The following OSTM1 variants were observed in gnomAD, a reference collection of about 807,000 sequenced individuals.
OSTM1 encodes the protein osteopetrosis-associated transmembrane protein 1.
A neutral mutation model predicts 35.4 loss-of-function variants in OSTM1; 26 were observed. That is an observed-to-expected ratio of 0.73 (90% CI 0.54 to 1.02). OSTM1 has a LOEUF of 1.02. Ranked by LOEUF, OSTM1 falls within the 50% of genes least tolerant of loss-of-function variation. The probability of loss-of-function intolerance (pLI) is 0.00; values close to 1 mark genes in which losing one functional copy is unlikely to be tolerated. For missense variants in OSTM1, 366 were observed against 409.6 expected (o/e 0.89, Z 0.92); for synonymous variants, 181 against 165.0 (o/e 1.10, Z -0.75).
chr6:108,059,676 T>G (rs958966140), intron 2 of OSTM1, among the ~76,000 whole-genome samples: 2 of 152,234 alleles, frequency 1.3e-5, no homozygotes, highest in African/African-American at 2.4e-5. Flanking sequence ...ACAAAAATTC[T>G]AATAGCCCCT....
intron 1 of OSTM1, among the ~76,000 whole-genome samples, chr6:108,068,065 G>A (rs1772411696): frequency 6.6e-6 from 1 of 152,086 alleles, no homozygotes; most frequent in African/African-American, 2.4e-5. Flanking sequence ...CACCAATACT[G>A]CCAGTGTTGA....
chr6:108,064,163 T>G (rs756005876), intron 2 of OSTM1, 22 bp downstream of exon 2: 1 of 1,195,138 alleles, frequency 8.4e-7, no homozygotes, highest in South Asian at 1.2e-5. Flanking sequence ...AACTGCAACA[T>G]GAAAATGAAA....
At chr6:108,053,079 C>T (rs935014889) in intron 3 of OSTM1, among the ~76,000 whole-genome samples, 2 of 152,208 alleles carry the variant, frequency 1.3e-5, no homozygotes, top group Admixed American at 1.3e-4. Context: ...AATTACCATA[C>T]TTCTTTCTTA....
chr6:108,066,589 T>C (rs577942219), intron 1 of OSTM1, among the ~76,000 whole-genome samples: 12 of 152,282 alleles, frequency 7.9e-5, no homozygotes, highest in African/African-American at 2.4e-4. Context: ...ACTGGCAGTA[T>C]TGGTGACACT....
rs1771876154 is a variant in OSTM1 at position 108,042,059 on chromosome 6, G to A, written c.*2726C>T. The A allele has an allele frequency of 6.6e-6, 1 of 151,908 alleles. No individual in the cohort carries two copies. The highest frequency in any genetic ancestry group is 6.6e-5 in the Admixed American group (1 of 15,230). 9.4% of individuals were successfully genotyped at this position (151,908 alleles called of 1,614,324 possible). Reference sequence around the variant, plus strand: ...AGGAAAACATTTCATTTTATAGGGAGCATATCCCAGAAACATTAGAAAATA... The same window carrying A: ...AGGAAAACATTTCATTTTATAGGGAACATATCCCAGAAACATTAGAAAATA... On this transcript the variant is annotated 3_prime_UTR_variant, in exon 6 of 6. Transcript: ENST00000193322.
chr6:108,069,596 G>A (rs79879143), intron 1 of OSTM1, among the ~76,000 whole-genome samples: 2,064 of 152,188 alleles, frequency 0.014, 45 homozygotes, highest in African/African-American at 0.047. Flanking sequence ...AGAATCTGAG[G>A]GGGCAAAAGC....
chr6:108,074,452 C>A lies in OSTM1; in HGVS notation c.200G>T (p.Gly67Val), dbSNP rs780873251. The change falls in exon 1 of 6, where the codon GGG becomes GTG. Residue 67 changes from glycine (G) to valine (V), a missense_variant. Around this residue, in one of 3 missense-constraint regions of OSTM1, gnomAD observed 236 missense variants for 239.3 expected, o/e 0.99. Coordinates refer to ENST00000193322, the MANE Select transcript of OSTM1 (RefSeq NM_014028.4). ...DLSLSLLQGGGLGPLSLPPDL... is the reference protein window; with the variant it reads ...DLSLSLLQGGVLGPLSLPPDL... ...CGGGGGCAGCGACAGAGGCCCCAGC[C>A]CTCCACCCTGCAGGAGGGACAGGGA... 6.4e-7 allele frequency: 1 copy of A among 1,557,694 alleles called. No homozygotes were observed. The highest frequency in any genetic ancestry group is 1.2e-5 in the South Asian group (1 of 84,946).
At chr6:108,049,713 G>A (rs1772043627) in intron 4 of OSTM1, 1 of 342,104 alleles carries the variant, frequency 2.9e-6, no homozygotes, top group East Asian at 6.5e-5. Context: ...CTTATATGAA[G>A]AGGAATATAG....
At chr6:108,060,150 T>C (rs77705803) in intron 2 of OSTM1, among the ~76,000 whole-genome samples, 1,746 of 152,296 alleles carry the variant, frequency 0.011, 27 homozygotes, top group African/African-American at 0.04. Flanking sequence ...CTCGCTTCTT[T>C]TACCTGAGAC....
rs1772177610 is a variant in OSTM1 at position 108,056,779 on chromosome 6, C to T, written c.518-2192G>A. Among the ~76,000 whole-genome samples the T allele has an allele frequency of 3.3e-5, 5 of 152,312 alleles. No individual in the cohort carries two copies. The South Asian group carries it at 1.0e-3, about 32-fold the overall frequency. On this transcript the variant is annotated intron_variant, in intron 2 of 5. Transcript: ENST00000193322. ...TCAGGAGTTGTCCCCTCTCTGAACT[C>T]ACATACTCTACATTCTCTGAAGCTT...
intron 5 of OSTM1, among the ~76,000 whole-genome samples, chr6:108,047,802 G>A (rs1488946046): frequency 1.3e-5 from 2 of 152,226 alleles, no homozygotes; most frequent in Admixed American, 1.3e-4. Flanking sequence ...AGCAAATAGT[G>A]ACACTGGTAG....
chr6:108,046,168 ATTTT>A (rs750495431), intron 5 of OSTM1, among the ~76,000 whole-genome samples: 4,070 of 93,432 alleles, frequency 0.044, 269 homozygotes, highest in Admixed American at 0.21. Flanking sequence ...CGCCCAGCTA[ATTTT>A]TTTTTTTTTT....
chr6:108,061,937 A>G (rs1772279841), intron 2 of OSTM1, among the ~76,000 whole-genome samples: 1 of 152,158 alleles, frequency 6.6e-6, no homozygotes, highest in African/African-American at 2.4e-5. Context: ...GTCAACTCTT[A>G]TCTTCAAGGG....
chr6:108,072,743 T>A (rs1772508678), intron 1 of OSTM1, among the ~76,000 whole-genome samples: 1 of 152,020 alleles, frequency 6.6e-6, no homozygotes, highest in Non-Finnish European at 1.5e-5. Context: ...AAATGACAGA[T>A]TTTTATTTTA....
chr6:108,070,890 C>CA (rs1338011470), intron 1 of OSTM1, among the ~76,000 whole-genome samples: 8,020 of 80,404 alleles, frequency 0.1, 457 homozygotes, highest in Admixed American at 0.27. Flanking sequence ...AACTCCGTCT[C>CA]AAAAAAAAAA....
Position 108,070,966 on chromosome 6 carries a change from A to T in OSTM1, c.402+3284T>A, listed in dbSNP as rs571999552. On this transcript the variant is annotated intron_variant, in intron 1 of 5. Transcript: ENST00000193322. Reference sequence around the variant, plus strand: ...CACTTTGGGAGGTCGAGGTGTGCAGATCACGAGGTCAGGAGATTGAGACCA... The same window carrying T: ...CACTTTGGGAGGTCGAGGTGTGCAGTTCACGAGGTCAGGAGATTGAGACCA... 2.0e-5 allele frequency among the ~76,000 whole-genome samples: 3 copies of T among 151,154 alleles called. No homozygotes were observed. The South Asian group carries it at 6.3e-4, about 32-fold the overall frequency.
intron 1 of OSTM1, among the ~76,000 whole-genome samples, chr6:108,070,736 A>G (rs892189562): frequency 1.3e-5 from 2 of 151,912 alleles, no homozygotes; most frequent in Non-Finnish European, 2.9e-5. Context: ...CTAAAAATAC[A>G]AAAATTAGCC....
At chr6:108,063,303 C>T (rs9400189) in intron 2 of OSTM1, among the ~76,000 whole-genome samples, 35,199 of 152,068 alleles carry the variant, frequency 0.23, 4,159 homozygotes, top group Admixed American at 0.26. Context: ...AGGCGTGAGC[C>T]GCCTCACTGG....
At chr6:108,060,240 G>T (rs999407553) in intron 2 of OSTM1, among the ~76,000 whole-genome samples, 1 of 152,060 alleles carries the variant, frequency 6.6e-6, no homozygotes, top group Admixed American at 6.6e-5. Context: ...ATTTTATTTG[G>T]TCCTCAGAAG....
Sources: allele counts gnomAD v4.1 joint callset (sites outside exome capture counted in the v4.1 genomes callset), GRCh38; gene constraint gnomAD v4.1.1; regional missense constraint gnomAD v4.1.1; transcripts MANE v1.5; gene names NCBI Gene and HGNC (gene_info 2026-07-23, HGNC 2026-07-21).